Variants in CFAP47 observed in about 807,000 individuals in gnomAD.
The protein encoded by CFAP47 is cilia- and flagella-associated protein 47.
CFAP47 carries 29 observed loss-of-function variants against 148.1 expected under a neutral mutation model. The observed-to-expected ratio is 0.20, with a 90% CI of 0.15 to 0.27. The LOEUF (loss-of-function observed/expected upper bound fraction) is 0.27, where lower values mean the gene tolerates loss of function less well. CFAP47 is among the 10% of genes least tolerant of loss of function. The pLI is 1.00. For missense variants in CFAP47, 1,872 were observed against 1,697.5 expected (o/e 1.10, Z -1.81); for synonymous variants, 664 against 577.3 (o/e 1.15, Z -2.15).
chrX:36,018,780 C>CAGCG (rs1442046760), intron 22 of CFAP47, among the ~76,000 whole-genome samples: 1 of 109,582 alleles, frequency 9.1e-6, no homozygotes, highest in Non-Finnish European at 1.9e-5. Context: ...CAATATTCAT[C>CAGCG]AGCGATATTG....
At chrX:35,938,241 T>A (rs1158561068) in intron 2 of CFAP47, among the ~76,000 whole-genome samples, 1 of 111,307 alleles carries the variant, frequency 9.0e-6, no homozygotes, top group Non-Finnish European at 1.9e-5. Context: ...CAGCATCACA[T>A]CCTAATGTAT....
rs181691334 is a variant in CFAP47 at position 36,299,056 on chromosome X, C to T, written c.7766C>T (p.Ala2589Val). Reference protein sequence around the residue: ...LHLEVQLTSAALNGDNEIILS... With the variant: ...LHLEVQLTSAVLNGDNEIILS... ...TTAGAGGTGCAGTTAACGAGTGCTG[C>T]CCTTAATGGGGATAATGAAATTATC... Residue 2589 changes from alanine to valine, a missense_variant, in exon 52 of 64, where the codon GCC (alanine) becomes GTC (valine). Coordinates refer to ENST00000378653, the MANE Select transcript of CFAP47 (RefSeq NM_001304548.2). 6.4e-4 allele frequency: 727 copies of T among 1,138,432 alleles called. No individual in the cohort carries two copies. Among genetic ancestry groups the T allele is most frequent in the Non-Finnish European group, 8.1e-4 (692 of 849,919 alleles). 93.8% of individuals were successfully genotyped at this position (1,138,432 alleles called of 1,213,427 possible). A position where few individuals can be genotyped will look rare whatever the true frequency, so the allele number is the denominator to read the frequency against.
chrX:35,956,352 T>C (rs952010265), intron 8 of CFAP47, among the ~76,000 whole-genome samples, 156 bp downstream of exon 8: 1 of 111,934 alleles, frequency 8.9e-6, no homozygotes, highest in Non-Finnish European at 1.9e-5. Flanking sequence ...TTGGTACTCA[T>C]ATAGAATCCA....
intron 30 of CFAP47, among the ~76,000 whole-genome samples, chrX:36,090,566 G>A (rs1033995177): frequency 2.7e-5 from 3 of 111,487 alleles, no homozygotes; most frequent in Non-Finnish European, 5.7e-5. Context: ...TTAAAGCCAC[G>A]CCATTCAGAT....
chrX:36,317,120 A>T (rs782302766), intron 56 of CFAP47, among the ~76,000 whole-genome samples: 16 of 111,769 alleles, frequency 1.4e-4, no homozygotes, highest in African/African-American at 4.9e-4. Flanking sequence ...AGAATTAGTT[A>T]TGAAAATCCC....
At chrX:35,940,642 G>T (rs1321042827) in intron 2 of CFAP47, among the ~76,000 whole-genome samples, 3 of 111,032 alleles carry the variant, frequency 2.7e-5, no homozygotes, top group Non-Finnish European at 5.7e-5. Flanking sequence ...AGTAGACTCT[G>T]TCTCTCTTTT....
Position 36,140,714 on chromosome X carries a change from C to A in CFAP47, c.5535+2250C>A, listed in dbSNP as rs1377377388. Among the ~76,000 whole-genome samples, 3 of 111,878 alleles carry A rather than the reference C, an allele frequency of 2.7e-5. 1 individual carries two copies. The South Asian group carries it at 1.1e-3, about 41-fold the overall frequency. On this transcript the variant is annotated intron_variant, in intron 35 of 63. Coordinates refer to ENST00000378653, the MANE Select transcript of CFAP47 (RefSeq NM_001304548.2). Reference sequence around the variant, plus strand: ...GAATCCTGTAAAATTCAGCAATGGACTTAATTATTAATGCTTAAGTTTCTT... The same window carrying A: ...GAATCCTGTAAAATTCAGCAATGGAATTAATTATTAATGCTTAAGTTTCTT...
chrX:36,007,237 TGGGTAAAC>T (rs1457294951), intron 21 of CFAP47, among the ~76,000 whole-genome samples: 3 of 112,290 alleles, frequency 2.7e-5, no homozygotes, highest in Non-Finnish European at 3.8e-5. Context: ...TGCAGAACCT[TGGGTAAAC>T]CTTTCATAAC....
At chrX:36,273,243 A>C (rs1042377141) in intron 49 of CFAP47, among the ~76,000 whole-genome samples, 1 of 112,030 alleles carries the variant, frequency 8.9e-6, no homozygotes, top group African/African-American at 3.2e-5. Context: ...CTTGGAAAAA[A>C]CTTGATTAAA....
rs192583531 is a variant in CFAP47, at chrX:36,185,953, T to A, written c.6105-2667T>A. On this transcript the variant is annotated intron_variant, in intron 40 of 63. Coordinates refer to ENST00000378653, the MANE Select transcript of CFAP47 (RefSeq NM_001304548.2). ...TTTCCAAATACGGTCACATTGGTGGTTAGGATTTTAACATATAAATTTGGG... is the reference window on the plus strand; with the variant it reads ...TTTCCAAATACGGTCACATTGGTGGATAGGATTTTAACATATAAATTTGGG... Among the ~76,000 whole-genome samples the A allele has an allele frequency of 1.0e-2, 1,115 of 111,666 alleles. 15 individuals carry two copies. Among genetic ancestry groups the A allele is most frequent in the African/African-American group, 0.034 (1,045 of 30,752 alleles).
At chrX:35,981,159 A>G (rs1936639002) in intron 15 of CFAP47, among the ~76,000 whole-genome samples, 1 of 109,838 alleles carries the variant, frequency 9.1e-6, no homozygotes, top group African/African-American at 3.3e-5. Context: ...GTAAAGGAGG[A>G]AATAATTACA....
At chrX:36,346,811 G>A (rs1250213551) in intron 57 of CFAP47, among the ~76,000 whole-genome samples, 3 of 111,377 alleles carry the variant, frequency 2.7e-5, no homozygotes, top group Admixed American at 9.6e-5. Context: ...AGACTTAGAC[G>A]TAAGACCTAG....
At chrX:36,182,529 C>T (rs1288351397) in intron 40 of CFAP47, among the ~76,000 whole-genome samples, 3 of 111,650 alleles carry the variant, frequency 2.7e-5, no homozygotes, top group East Asian at 5.7e-4. Context: ...TAACGTTACA[C>T]GTTACTTTTA....
At chrX:36,331,152 C>T (rs1340895936) in intron 57 of CFAP47, among the ~76,000 whole-genome samples, 4 of 111,508 alleles carry the variant, frequency 3.6e-5, no homozygotes, top group East Asian at 2.8e-4. Context: ...TCAGGGCTTC[C>T]GTGCTGCAAA....
chrX:35,971,332 G>A (rs1936487377), intron 11 of CFAP47, among the ~76,000 whole-genome samples: 1 of 112,081 alleles, frequency 8.9e-6, no homozygotes, highest in South Asian at 3.7e-4. Context: ...AAAGGGGCTT[G>A]TCTTTTGTGT....
At chrX:36,059,814 G>A (rs953323730) in intron 26 of CFAP47, among the ~76,000 whole-genome samples, 3 of 111,750 alleles carry the variant, frequency 2.7e-5, no homozygotes, top group African/African-American at 9.8e-5. Context: ...TATTGGAGAT[G>A]GGGCCTAATG....
At chrX:35,924,135 A>G (rs1268289013) in intron 1 of CFAP47, among the ~76,000 whole-genome samples, 4 of 99,504 alleles carry the variant, frequency 4.0e-5, no homozygotes, top group South Asian at 4.5e-4. Flanking sequence ...ATATATGTAT[A>G]TGTGTACATG....
At chrX:35,961,143 G>A (rs924948335) in intron 8 of CFAP47, among the ~76,000 whole-genome samples, 43 of 111,734 alleles carry the variant, frequency 3.8e-4, no homozygotes, top group African/African-American at 1.3e-3. Context: ...TTAAGAGTGT[G>A]CATTACATTG....
rs782518302 is a variant in CFAP47 at position 36,371,693 on chromosome X, TAC to T, written c.9185+4572_9185+4573del. ...ACACATGTGTATATATGTGTGTATA[TAC>T]ACACATGTGTATATATGTGTGTATA... On this transcript the variant is annotated intron_variant, in intron 62 of 63. Coordinates refer to ENST00000378653, the MANE Select transcript of CFAP47 (RefSeq NM_001304548.2). Among the ~76,000 whole-genome samples, 16 of 70,018 alleles carry T rather than the reference TAC, an allele frequency of 2.3e-4. 3 individuals carry two copies. In the South Asian group the frequency reaches 8.3e-3, roughly 36 times the overall value. 60.8% of individuals were successfully genotyped at this position (70,018 alleles called of 115,157 possible).
Sources: allele counts gnomAD v4.1 joint callset (sites outside exome capture counted in the v4.1 genomes callset), GRCh38; gene constraint gnomAD v4.1.1; transcripts MANE v1.5; gene names NCBI Gene and HGNC (gene_info 2026-07-23, HGNC 2026-07-21).